The following HPSE2 variants were observed in gnomAD, a reference collection of about 807,000 sequenced individuals.
HPSE2 encodes heparanase 2 (inactive), also known as inactive heparanase-2.
In HPSE2, 38 loss-of-function variants were observed where a neutral mutation model predicts 60.5. The ratio of observed to expected loss-of-function variants is 0.63; its 90% CI spans 0.48 to 0.82. HPSE2 has a LOEUF of 0.82. Among genes scored for constraint, HPSE2 ranks in the 40% least tolerant of loss-of-function variants. HPSE2 has a pLI of 0.00. For synonymous variants in HPSE2, 295 were observed against 293.2 expected, an observed-to-expected ratio of 1.01 and a Z score of -0.06; for missense variants, 713 against 740.4, an observed-to-expected ratio of 0.96 and a Z score of 0.43.
chr10:99,294,457 TATA>T, the HPSE2 span, among the ~76,000 whole-genome samples: 15 of 146,438 alleles, frequency 1.0e-4, no homozygotes, highest in Middle Eastern at 3.6e-3. Context: ...TATTAACATA[TATA>T]ATAATATATA....
intron 8 of HPSE2, among the ~76,000 whole-genome samples, chr10:98,617,061 T>G (rs1311453724): frequency 6.6e-6 from 1 of 152,196 alleles, no homozygotes; most frequent in Non-Finnish European, 1.5e-5. Flanking sequence ...GCAAATTGTC[T>G]TATTCAACTT....
the HPSE2 span, among the ~76,000 whole-genome samples, chr10:99,255,596 GACT>G: frequency 4.4e-4 from 58 of 130,654 alleles, no homozygotes; most frequent in African/African-American, 1.4e-3. Context: ...ACACACACAC[GACT>G]ACAATAGATG....
chr10:98,635,380 G>A (rs1238435828), intron 7 of HPSE2, among the ~76,000 whole-genome samples: 1 of 152,124 alleles, frequency 6.6e-6, no homozygotes, highest in African/African-American at 2.4e-5. Flanking sequence ...CCAGTACAGG[G>A]TATGTATCCA....
rs534745936 is a variant in HPSE2, at chr10:99,193,390, A to G, written c.448+38958T>C. Among the ~76,000 whole-genome samples, 4 of 152,284 alleles carry G rather than the reference A, an allele frequency of 2.6e-5. No individual in the cohort carries two copies. In the East Asian group the frequency reaches 7.7e-4, roughly 29 times the overall value. On this transcript the variant is annotated intron_variant, in intron 2 of 11. Transcript: ENST00000370552. ...GAAGAGAAGACTACAAGACAAGTAGAAAACACATAACAAAATGGCAGAAGT... is the reference window on the plus strand; with the variant it reads ...GAAGAGAAGACTACAAGACAAGTAGGAAACACATAACAAAATGGCAGAAGT...
chr10:98,652,556 T>A (rs914359685), intron 6 of HPSE2, among the ~76,000 whole-genome samples: 5 of 152,158 alleles, frequency 3.3e-5, no homozygotes, highest in Non-Finnish European at 7.4e-5. Flanking sequence ...CCATTCCCAA[T>A]CTCCCACTAT....
intron 3 of HPSE2, among the ~76,000 whole-genome samples, chr10:98,802,567 G>C (rs1191961254): frequency 6.9e-6 from 1 of 145,566 alleles, no homozygotes; most frequent in Non-Finnish European, 1.5e-5. Context: ...GAGAATATGC[G>C]GTGTTTGGTT....
At chr10:98,751,757 G>A (rs1414962) in intron 3 of HPSE2, among the ~76,000 whole-genome samples, 28,197 of 152,128 alleles carry the variant, frequency 0.19, 3,093 homozygotes, top group East Asian at 0.34. Context: ...CTTCCCCATA[G>A]TTCCCCAAGG....
chr10:99,163,116 C>T (rs1846910889), intron 2 of HPSE2, among the ~76,000 whole-genome samples: 1 of 151,466 alleles, frequency 6.6e-6, no homozygotes, highest in South Asian at 2.1e-4. Flanking sequence ...GAGGCTGAGG[C>T]AGGAGAATGG....
the HPSE2 span, among the ~76,000 whole-genome samples, chr10:99,259,316 A>AC: frequency 6.6e-6 from 1 of 151,802 alleles, no homozygotes; most frequent in East Asian, 1.9e-4. Flanking sequence ...ACCAAAAAAA[A>AC]AAAAAAAGAC....
At chr10:98,611,775 A>AT (rs1251488522) in intron 9 of HPSE2, among the ~76,000 whole-genome samples, 8 of 152,226 alleles carry the variant, frequency 5.3e-5, no homozygotes. Flanking sequence ...GCAAAGAAAG[A>AT]TAAAAAGAAA....
rs1949677183 is a variant in HPSE2 at position 98,748,397 on chromosome 10, T to C, written c.611-4341A>G. On this transcript the variant is annotated intron_variant, in intron 3 of 11. Coordinates refer to ENST00000370552, the MANE Select transcript of HPSE2 (RefSeq NM_021828.5). ...TGAATATAGAGAATTTAGTAGATAT[T>C]CAACACATGTAATCTCCCTTAGAAA... Among the ~76,000 whole-genome samples the C allele has an allele frequency of 2.6e-5, 4 of 152,172 alleles. No homozygotes were observed. The South Asian group carries it at 8.3e-4, about 32-fold the overall frequency.
rs182035499 is a variant in HPSE2, at chr10:99,101,129, T to C, written c.610+43109A>G. Among the ~76,000 whole-genome samples the C allele has an allele frequency of 1.4e-3, 220 of 152,242 alleles. 1 individual carries two copies. The highest frequency in any genetic ancestry group is 0.012 in the Admixed American group (185 of 15,272). ...CATCATAATGACAGGATAAAATTCATACATTACAATATTAACCTTAAATAT... is the reference window on the plus strand; with the variant it reads ...CATCATAATGACAGGATAAAATTCACACATTACAATATTAACCTTAAATAT... On this transcript the variant is annotated intron_variant, in intron 3 of 11. Transcript: ENST00000370552.
chr10:98,685,554 A>T (rs1947893085), intron 6 of HPSE2, among the ~76,000 whole-genome samples: 1 of 152,190 alleles, frequency 6.6e-6, no homozygotes. Flanking sequence ...ATTGAGATTC[A>T]TCCATGTTGT....
chr10:98,531,251 A>G (rs1179050945), intron 9 of HPSE2, among the ~76,000 whole-genome samples: 2 of 143,964 alleles, frequency 1.4e-5, no homozygotes, highest in East Asian at 2.2e-4. Context: ...AAAGACTTCA[A>G]TAAGAGGGTG....
the HPSE2 span, among the ~76,000 whole-genome samples, chr10:99,243,879 TGAGTA>T: frequency 8.6e-4 from 131 of 152,160 alleles, no homozygotes; most frequent in African/African-American, 3.0e-3. Flanking sequence ...GAGGTTGCAG[TGAGTA>T]GAGATTGCCC....
chr10:98,509,021 TAA>T (rs1429564825), intron 9 of HPSE2, among the ~76,000 whole-genome samples: 10 of 152,118 alleles, frequency 6.6e-5, no homozygotes, highest in African/African-American at 2.4e-4. Flanking sequence ...GGAAACCACT[TAA>T]GAGGTTAGTT....
intron 3 of HPSE2, among the ~76,000 whole-genome samples, chr10:98,932,488 T>C (rs531555384): frequency 6.9e-6 from 1 of 144,324 alleles, no homozygotes; most frequent in African/African-American, 2.8e-5. Flanking sequence ...CCTCATAAAA[T>C]GAGTTAGAGG....
intron 11 of HPSE2, among the ~76,000 whole-genome samples, chr10:98,479,026 G>A (rs149791978): frequency 1.3e-5 from 2 of 152,296 alleles, no homozygotes; most frequent in African/African-American, 2.4e-5. Flanking sequence ...TGCTTCCTGT[G>A]TGATACTTGA....
At chr10:98,811,358 T>C (rs1951164941) in intron 3 of HPSE2, among the ~76,000 whole-genome samples, 1 of 152,096 alleles carries the variant, frequency 6.6e-6, no homozygotes, top group African/African-American at 2.4e-5. Flanking sequence ...TCTATGAAAG[T>C]AGGGGTGACA....
Sources: gnomAD v4.1 joint callset for allele counts (sites outside exome capture counted in the v4.1 genomes callset) on GRCh38, gnomAD v4.1.1 for gene constraint, MANE v1.5 for transcripts, NCBI Gene and HGNC (gene_info 2026-07-23, HGNC 2026-07-21) for gene names.